The following HTR4 variants were observed in gnomAD, a reference collection of about 807,000 sequenced individuals.
HTR4 encodes the protein 5-hydroxytryptamine receptor 4, also known as 5-hydroxytryptamine (serotonin) receptor 4, G protein-coupled.
A neutral mutation model predicts 36.8 loss-of-function variants in HTR4; 16 were observed. The ratio of observed to expected loss-of-function variants is 0.43; its 90% CI spans 0.29 to 0.66. HTR4 has a LOEUF of 0.66. Among genes scored for constraint, HTR4 ranks in the 30% least tolerant of loss-of-function variants. HTR4 has a pLI of 0.13. For missense variants in HTR4, 438 were observed against 490.9 expected, an observed-to-expected ratio of 0.89 and a Z score of 1.02; for synonymous variants, 189 against 185.1, an observed-to-expected ratio of 1.02 and a Z score of -0.17.
intron 5 of HTR4, among the ~76,000 whole-genome samples, chr5:148,521,884 C>A (rs2113794787): frequency 6.6e-6 from 1 of 152,256 alleles, no homozygotes. Flanking sequence ...GCAGCCTCTA[C>A]CCACATGACA....
At chr5:148,640,839 T>A (rs1753708777) in intron 1 of HTR4, among the ~76,000 whole-genome samples, 2 of 152,232 alleles carry the variant, frequency 1.3e-5, no homozygotes, top group Admixed American at 6.5e-5. Flanking sequence ...TAAAACTGCA[T>A]GTGAAAATGT....
chr5:148,502,426 C>T (rs1247748423), intron 6 of HTR4, among the ~76,000 whole-genome samples: 1 of 152,218 alleles, frequency 6.6e-6, no homozygotes, highest in Admixed American at 6.5e-5. Context: ...AACAGACCAG[C>T]ATCTGAAGGT....
At chr5:148,459,256 G>T (rs1055645764) in intron 5 of HTR4, among the ~76,000 whole-genome samples, 11 of 152,006 alleles carry the variant, frequency 7.2e-5, no homozygotes, top group African/African-American at 2.7e-4. Flanking sequence ...CAATAATAGG[G>T]GACCTCTCAA....
intron 4 of HTR4, among the ~76,000 whole-genome samples, chr5:148,540,313 C>A (rs1278604206): frequency 6.7e-6 from 1 of 148,174 alleles, no homozygotes; most frequent in East Asian, 2.0e-4. Flanking sequence ...ATACAACGAA[C>A]CCCTGTGACA....
At chr5:148,556,049 A>C (rs1027019335) in intron 2 of HTR4, among the ~76,000 whole-genome samples, 1 of 152,012 alleles carries the variant, frequency 6.6e-6, no homozygotes, top group Non-Finnish European at 1.5e-5. Flanking sequence ...TTTGAGACAG[A>C]GTCTTGCCCT....
intron 5 of HTR4, chr5:148,466,040 A>T (rs1302869750): frequency 1.3e-6 from 2 of 1,524,734 alleles, no homozygotes; most frequent in Non-Finnish European, 8.8e-7. Flanking sequence ...AGCCTAAATA[A>T]GCTTGCCAAT....
intron 2 of HTR4, among the ~76,000 whole-genome samples, chr5:148,578,024 T>G (rs114683023): frequency 6.6e-6 from 1 of 152,106 alleles, no homozygotes; most frequent in African/African-American, 2.4e-5. Flanking sequence ...TCAAATGATA[T>G]ATGAAGTATG....
intron 5 of HTR4, among the ~76,000 whole-genome samples, chr5:148,464,174 G>A (rs1755363377): frequency 6.6e-6 from 1 of 151,844 alleles, no homozygotes; most frequent in African/African-American, 2.4e-5. Context: ...CTAGACAACT[G>A]TTGGTTTGGT....
At chr5:148,484,218 G>T in intron 6 of HTR4, 1 of 1,582,640 alleles carries the variant, frequency 6.3e-7, no homozygotes, top group African/African-American at 1.3e-5. Context: ...TTCAGGCAAG[G>T]TAAAAAATGT....
intron 5 of HTR4, among the ~76,000 whole-genome samples, chr5:148,464,151 C>A (rs1755362875): frequency 6.6e-6 from 1 of 151,526 alleles, no homozygotes; most frequent in Non-Finnish European, 1.5e-5. Flanking sequence ...TAGAAGATAG[C>A]TTAGGAAAAA....
At position 148,576,082 on chromosome 5, in the gene HTR4, G is replaced by A. The variant is rs1303178697; in HGVS notation, c.27-25820C>T. ...TAAAAAATCGCGCCACTGCACTCCA[G>A]CCTGGGCGACAGAGCGAGACTCCGT... On this transcript the variant is annotated intron_variant, in intron 2 of 6. Transcript: ENST00000377888. 9.5e-5 allele frequency among the ~76,000 whole-genome samples: 11 copies of A among 115,502 alleles called. No individual in the cohort carries two copies. The Admixed American group carries it at 9.7e-4, about 10-fold the overall frequency. 75.8% of individuals were successfully genotyped at this position (115,502 alleles called of 152,430 possible). A position where few individuals can be genotyped will look rare whatever the true frequency, so the allele number is the denominator to read the frequency against.
intron 1 of HTR4, among the ~76,000 whole-genome samples, chr5:148,650,434 A>G (rs1414194597): frequency 6.6e-6 from 1 of 152,260 alleles, no homozygotes; most frequent in Admixed American, 6.5e-5. Flanking sequence ...GAATAAGTCT[A>G]TTTGGTAGCC....
At chr5:148,534,648 T>G (rs1758726337) in intron 4 of HTR4, among the ~76,000 whole-genome samples, 1 of 152,120 alleles carries the variant, frequency 6.6e-6, no homozygotes, top group South Asian at 2.1e-4. Flanking sequence ...AAGCTGCACT[T>G]GACCCAAGGA....
At chr5:148,485,705 A>T (rs568998990) in intron 6 of HTR4, among the ~76,000 whole-genome samples, 2 of 152,302 alleles carry the variant, frequency 1.3e-5, no homozygotes, top group African/African-American at 4.8e-5. Context: ...GGGGGAAAAA[A>T]TCCTGTGAAG....
intron 5 of HTR4, among the ~76,000 whole-genome samples, chr5:148,515,793 T>G (rs1757720956): frequency 6.6e-6 from 1 of 151,934 alleles, no homozygotes; most frequent in Non-Finnish European, 1.5e-5. Context: ...TAGATATAGT[T>G]TTCTTCTTTA....
chr5:148,568,919 G>T (rs2113877633), intron 2 of HTR4, among the ~76,000 whole-genome samples: 1 of 152,148 alleles, frequency 6.6e-6, no homozygotes, highest in Admixed American at 6.5e-5. Context: ...AAATCTATTA[G>T]TGATTAATTA....
intron 4 of HTR4, 49 bp from the exon 5 acceptor site, chr5:148,523,395 G>C: frequency 6.7e-7 from 1 of 1,492,356 alleles, no homozygotes; most frequent in South Asian, 1.3e-5. Context: ...AGGAGGAATG[G>C]GAGGGAGAGA....
chr5:148,635,537 C>T (rs1200749826), intron 2 of HTR4, among the ~76,000 whole-genome samples: 1 of 152,128 alleles, frequency 6.6e-6, no homozygotes, highest in Non-Finnish European at 1.5e-5. Flanking sequence ...TTGTATTCTG[C>T]TGTTAGAATC....
chr5:148,473,301 C>CA (rs35164649), downstream of HTR4, among the ~76,000 whole-genome samples: 5,045 of 68,274 alleles, frequency 0.074, 446 homozygotes, highest in African/African-American at 0.18. Context: ...GACTCCATCT[C>CA]AAAAAAAAAA....
Sources: allele counts gnomAD v4.1 joint callset (sites outside exome capture counted in the v4.1 genomes callset), GRCh38; gene constraint gnomAD v4.1.1; transcripts MANE v1.5; gene names NCBI Gene and HGNC (gene_info 2026-07-23, HGNC 2026-07-21).